Variants in TVP23A observed in about 807,000 individuals in gnomAD.
TVP23A encodes trans-golgi network vesicle protein 23 homolog A.
Under a neutral mutation model 31.7 loss-of-function variants are expected in TVP23A, and 21 were observed. The ratio of observed to expected loss-of-function variants is 0.66; its 90% CI spans 0.47 to 0.95. The LOEUF (loss-of-function observed/expected upper bound fraction) is 0.95, where lower values mean the gene tolerates loss of function less well. Ranked by LOEUF, TVP23A falls within the 40% of genes least tolerant of loss-of-function variation. TVP23A has a pLI of 0.00. For synonymous variants in TVP23A, 104 were observed against 96.0 expected (o/e 1.08, Z -0.49); for missense variants, 279 against 255.6 (o/e 1.09, Z -0.62).
chr16:10,818,399 C>T lies in TVP23A; in HGVS notation c.9+86G>A, dbSNP rs866062011. 7.0e-5 allele frequency: 107 copies of T among 1,520,462 alleles called. No homozygotes were observed. The highest frequency in any genetic ancestry group is 1.7e-4 in the Middle Eastern group (1 of 5,836). 94.2% of individuals were successfully genotyped at this position (1,520,462 alleles called of 1,614,324 possible). On this transcript the variant is annotated intron_variant, in intron 1 of 7. Transcript: ENST00000299866. This position sits in a 1 kb window ranked among gnomAD's most constrained non-coding sequence, Gnocchi z 4.7. ...CCCAGCCCCAGGCCCCGGCGCATCC[C>T]TCCTCCTCCTCCCGGCTTCTCCAGC... is the stretch of plus-strand genomic sequence containing the variant.
Position 10,775,533 on chromosome 16 carries a change from G to A in TVP23A, c.90-437C>T, listed in dbSNP as rs909369321. 16 of 1,032,484 alleles carry A rather than the reference G, an allele frequency of 1.5e-5. No individual in the cohort carries two copies. In the Admixed American group the frequency reaches 2.0e-4, roughly 13 times the overall value. 64.0% of individuals were successfully genotyped at this position (1,032,484 alleles called of 1,614,324 possible). On this transcript the variant is annotated intron_variant, in intron 2 of 7. Coordinates refer to ENST00000299866, the MANE Select transcript of TVP23A (RefSeq NM_001079512.4). Reference sequence around the variant, plus strand: ...CACGGGGCAGGTGTCTCATGTCATCGGGGAATGCGTGTTCCTGGACAGAGG... The same window carrying A: ...CACGGGGCAGGTGTCTCATGTCATCAGGGAATGCGTGTTCCTGGACAGAGG...
chr16:10,784,276 C>T (rs1332601078), intron 2 of TVP23A, among the ~76,000 whole-genome samples: 4 of 151,476 alleles, frequency 2.6e-5, no homozygotes, highest in Non-Finnish European at 5.9e-5. Flanking sequence ...TTGCAGTGAG[C>T]CGAGATCTCA....
rs910660218 is a variant in TVP23A, at chr16:10,767,551, T to TAGCC, written c.*1547_*1550dup. 13 of 456,046 alleles carry TAGCC rather than the reference T, an allele frequency of 2.9e-5. No individual in the cohort carries two copies. Among genetic ancestry groups the TAGCC allele is most frequent in the African/African-American group, 2.4e-4 (12 of 50,220 alleles). 28.2% of individuals were successfully genotyped at this position (456,046 alleles called of 1,614,324 possible). A position where few individuals can be genotyped will look rare whatever the true frequency, so the allele number is the denominator to read the frequency against. ...TCTGGAAAGACACCTAGAACACTAGTAGCCCTTTTCGGACTTGGCCTTTTA... is the reference window on the plus strand; with the variant it reads ...TCTGGAAAGACACCTAGAACACTAGTAGCCAGCCCTTTTCGGACTTGGCCTTTTA... On this transcript the variant is annotated 3_prime_UTR_variant, in exon 8 of 8. Coordinates refer to ENST00000299866, the MANE Select transcript of TVP23A (RefSeq NM_001079512.4). The surrounding 1 kb of genome is among the most constrained non-coding windows in gnomAD (Gnocchi z 4.6).
intron 2 of TVP23A, among the ~76,000 whole-genome samples, chr16:10,811,889 G>A (rs916797216): frequency 3.9e-5 from 5 of 129,154 alleles, no homozygotes; most frequent in Admixed American, 8.9e-5. Flanking sequence ...GGGGGACAGA[G>A]CAAGACTCCG....
chr16:10,799,828 A>G (rs1380567474), intron 2 of TVP23A, among the ~76,000 whole-genome samples: 1 of 152,118 alleles, frequency 6.6e-6, no homozygotes, highest in African/African-American at 2.4e-5. Flanking sequence ...TTTTCAAAAC[A>G]GGGGACTCGG....
chr16:10,792,180 T>C (rs2033143231), intron 2 of TVP23A, among the ~76,000 whole-genome samples: 1 of 152,198 alleles, frequency 6.6e-6, no homozygotes. Flanking sequence ...TGTTCCCCTT[T>C]CTCTTTCTTT....
chr16:10,786,109 A>G (rs1190279056), intron 2 of TVP23A, among the ~76,000 whole-genome samples: 2 of 152,224 alleles, frequency 1.3e-5, no homozygotes, highest in African/African-American at 4.8e-5. Context: ...CATTTATCTC[A>G]GTGAGCAGGG....
chr16:10,757,752 TC>T (rs987469429), downstream of TVP23A: 2 of 1,245,082 alleles, frequency 1.6e-6, no homozygotes, highest in African/African-American at 3.0e-5. This position sits in a 1 kb window ranked among gnomAD's most constrained non-coding sequence, Gnocchi z 4.1. Context: ...TGCTTGAGCC[TC>T]AGAGTTAAGA....
chr16:10,768,858 G>A lies in TVP23A; in HGVS notation c.*244C>T. On this transcript the variant is annotated 3_prime_UTR_variant, in exon 8 of 8. Transcript: ENST00000299866. This position sits in a 1 kb window ranked among gnomAD's most constrained non-coding sequence, Gnocchi z 4.3. The stretch of plus-strand genomic sequence containing the variant: ...GAGGAAGGCCGCAGCCACTGGTTAT[G>A]AGCAAGATGGGTAGTGTGAGGTATT... 3.6e-6 allele frequency: 2 copies of A among 557,658 alleles called. No homozygotes were observed. The highest frequency in any genetic ancestry group is 5.0e-5 in the South Asian group (2 of 39,794). 34.5% of individuals were successfully genotyped at this position (557,658 alleles called of 1,614,324 possible).
At position 10,773,488 on chromosome 16, in the gene TVP23A, G is replaced by A. The variant is rs542178474; in HGVS notation, c.325-47C>T. On this transcript the variant is annotated intron_variant, in intron 4 of 7. Transcript: ENST00000299866. ...AATGTCAAAACAAGTGGAAATGGTTGCAAACGAGCGTGCTCACATTTTCAT... is the reference window on the plus strand; with the variant it reads ...AATGTCAAAACAAGTGGAAATGGTTACAAACGAGCGTGCTCACATTTTCAT... 3.5e-5 allele frequency: 54 copies of A among 1,545,174 alleles called. No homozygotes were observed. The East Asian group carries it at 1.1e-3, about 33-fold the overall frequency.
chr16:10,784,801 C>T (rs1041325285), intron 2 of TVP23A, among the ~76,000 whole-genome samples: 38 of 152,072 alleles, frequency 2.5e-4, no homozygotes, highest in Admixed American at 2.1e-3. Flanking sequence ...ACTGAAACTG[C>T]TCTAAAAACA....
At chr16:10,762,583 A>G (rs1271340943), downstream of TVP23A, among the ~76,000 whole-genome samples, 2 of 152,016 alleles carry the variant, frequency 1.3e-5, no homozygotes, top group Admixed American at 1.3e-4. Flanking sequence ...GGGGCCCTTT[A>G]GTGGGGCTCC....
chr16:10,770,094 A>G (rs1034390138), intron 7 of TVP23A, among the ~76,000 whole-genome samples, 178 bp downstream of exon 7: 3 of 152,236 alleles, frequency 2.0e-5, no homozygotes, highest in Non-Finnish European at 4.4e-5. Flanking sequence ...GCCAAGAGCA[A>G]TGAGGCTGCA....
chr16:10,768,994 G>A lies in TVP23A; in HGVS notation c.*108C>T. The A allele has an allele frequency of 1.3e-6, 2 of 1,536,196 alleles. No individual in the cohort carries two copies. Among genetic ancestry groups the A allele is most frequent in the Non-Finnish European group, 1.8e-6 (2 of 1,109,126 alleles). The stretch of plus-strand genomic sequence containing the variant: ...GCCCTCCCCAGCACAGGACAGGGCT[G>A]TCAAGGGGTAGACAAGCCATTAGCA... On this transcript the variant is annotated 3_prime_UTR_variant, in exon 8 of 8. Coordinates refer to ENST00000299866, the MANE Select transcript of TVP23A (RefSeq NM_001079512.4). The surrounding 1 kb of genome is among the most constrained non-coding windows in gnomAD (Gnocchi z 4.3).
intron 2 of TVP23A, among the ~76,000 whole-genome samples, 188 bp downstream of exon 2, chr16:10,817,915 C>T (rs1267459804): frequency 6.6e-6 from 1 of 152,212 alleles, no homozygotes; most frequent in Admixed American, 6.5e-5. Context: ...CAACTCCACC[C>T]CTTCTTCCTC....
Position 10,813,234 on chromosome 16 carries a change from T to C in TVP23A, c.89+4869A>G, listed in dbSNP as rs955709824. On this transcript the variant is annotated intron_variant, in intron 2 of 7. Transcript: ENST00000299866. ...ATACAATTATCCCCATTTTACCGAC[T>C]GGCCAATGGAGGCCCAGCAAAGTAA... is the stretch of plus-strand genomic sequence containing the variant. Among the ~76,000 whole-genome samples the C allele has an allele frequency of 7.9e-5, 12 of 152,354 alleles. No individual in the cohort carries two copies. The East Asian group carries it at 2.1e-3, about 27-fold the overall frequency.
At chr16:10,803,853 G>A (rs1035934931) in intron 2 of TVP23A, among the ~76,000 whole-genome samples, 2 of 152,110 alleles carry the variant, frequency 1.3e-5, no homozygotes, top group African/African-American at 4.8e-5. Context: ...CAGGACATGG[G>A]GTTTTTTGGG....
At chr16:10,789,664 C>CT (rs2032981365) in intron 2 of TVP23A, among the ~76,000 whole-genome samples, 1 of 78,062 alleles carries the variant, frequency 1.3e-5, no homozygotes, top group African/African-American at 8.0e-5. Context: ...CCCATCTCTA[C>CT]TAAAAAAAAA....
At position 10,769,113 on chromosome 16, in the gene TVP23A, G is replaced by C; in HGVS notation, c.*1-12C>G. ...AACCTCATCAGTTCCTGAAACGAGA[G>C]AATGTTCAGGACCAAGCAGTTACCG... On this transcript the variant is annotated splice_polypyrimidine_tract_variant and intron_variant, in intron 7 of 7. Coordinates refer to ENST00000299866, the MANE Select transcript of TVP23A (RefSeq NM_001079512.4). The C allele has an allele frequency of 6.2e-7, 1 of 1,613,424 alleles. No homozygotes were observed. Among genetic ancestry groups the C allele is most frequent in the East Asian group, 2.2e-5 (1 of 44,868 alleles).
Sources: allele counts gnomAD v4.1 joint callset (sites outside exome capture counted in the v4.1 genomes callset), GRCh38; gene constraint gnomAD v4.1.1; non-coding constraint Gnocchi (gnomAD v3.1); transcripts MANE v1.5; gene names NCBI Gene and HGNC (gene_info 2026-07-23, HGNC 2026-07-21).